PDE3B: variants seen among roughly 807,000 people sequenced by gnomAD.
The protein encoded by PDE3B is phosphodiesterase 3B, also known as cGMP-inhibited 3',5'-cyclic phosphodiesterase 3B.
A neutral mutation model predicts 116.8 loss-of-function variants in PDE3B; 66 were observed. The ratio of observed to expected loss-of-function variants is 0.56; its 90% confidence interval spans 0.46 to 0.69. PDE3B has a LOEUF of 0.69. PDE3B is among the 30% of genes least tolerant of loss of function. PDE3B has a pLI of 0.00. For synonymous variants in PDE3B, 595 were observed against 533.6 expected, an observed-to-expected ratio of 1.12 and a Z score of -1.59; for missense variants, 1,384 against 1,368.1, an observed-to-expected ratio of 1.01 and a Z score of -0.18.
chr11:14,869,126 A>G (rs1848099609), intron 15 of PDE3B, among the ~76,000 whole-genome samples: 1 of 152,250 alleles, frequency 6.6e-6, no homozygotes, highest in East Asian at 1.9e-4. Flanking sequence ...TTTTCATTTG[A>G]AATTTCAGCA....
At chr11:14,890,227 A>G in the PDE3B span, among the ~76,000 whole-genome samples, 1 of 152,172 alleles carries the variant, frequency 6.6e-6, no homozygotes, top group Non-Finnish European at 1.5e-5. Context: ...CGAGAAAAAA[A>G]AAAGACTCAG....
chr11:14,790,068 G>A (rs1858336545), intron 4 of PDE3B, among the ~76,000 whole-genome samples: 1 of 151,988 alleles, frequency 6.6e-6, no homozygotes, highest in South Asian at 2.1e-4. Context: ...TTTCACATTT[G>A]AAACAGTAGA....
At chr11:14,725,991 C>T (rs1026209384) in intron 1 of PDE3B, among the ~76,000 whole-genome samples, 4 of 152,078 alleles carry the variant, frequency 2.6e-5, no homozygotes, top group African/African-American at 9.7e-5. Flanking sequence ...ATGCTCTTTC[C>T]CTCTACTTCA....
At chr11:14,848,229 G>A (rs1407329086) in intron 12 of PDE3B, among the ~76,000 whole-genome samples, 1 of 139,500 alleles carries the variant, frequency 7.2e-6, no homozygotes, top group African/African-American at 2.7e-5. Flanking sequence ...CAGAACCAAA[G>A]ACAAAAACCA....
At chr11:14,757,359 A>C (rs1371453048) in intron 1 of PDE3B, among the ~76,000 whole-genome samples, 1 of 149,276 alleles carries the variant, frequency 6.7e-6, no homozygotes, top group African/African-American at 2.5e-5. Context: ...CTAGTTCTAG[A>C]TCCCTGAGGA....
intron 11 of PDE3B, among the ~76,000 whole-genome samples, chr11:14,841,782 G>A (rs1365131104): frequency 1.8e-5 from 1 of 54,994 alleles, no homozygotes; most frequent in African/African-American, 7.2e-5. Flanking sequence ...CACCTGCCTC[G>A]GCCTCCCAAA....
intron 1 of PDE3B, among the ~76,000 whole-genome samples, chr11:14,727,592 A>G (rs1211597944): frequency 6.6e-6 from 1 of 152,066 alleles, no homozygotes; most frequent in African/African-American, 2.4e-5. Flanking sequence ...CTCCACTTTT[A>G]TATCTGTTAT....
At chr11:14,824,062 A>G (rs1859609453) in intron 7 of PDE3B, among the ~76,000 whole-genome samples, 1 of 152,122 alleles carries the variant, frequency 6.6e-6, no homozygotes, top group Non-Finnish European at 1.5e-5. Flanking sequence ...CCTCACAGAA[A>G]AGTGGTCGGA....
At chr11:14,806,696 A>G (rs1858937240) in intron 5 of PDE3B, among the ~76,000 whole-genome samples, 1 of 151,224 alleles carries the variant, frequency 6.6e-6, no homozygotes, top group African/African-American at 2.4e-5. Context: ...CGTCTCTACT[A>G]AAAATACAAA....
At chr11:14,660,244 C>A (rs1853851224) in intron 1 of PDE3B, among the ~76,000 whole-genome samples, 1 of 151,736 alleles carries the variant, frequency 6.6e-6, no homozygotes, top group Admixed American at 6.6e-5. Flanking sequence ...TACTGAATGC[C>A]ACTAATTTCA....
chr11:14,675,131 T>C (rs1197491421), intron 1 of PDE3B, among the ~76,000 whole-genome samples: 1 of 152,202 alleles, frequency 6.6e-6, no homozygotes, highest in Non-Finnish European at 1.5e-5. Flanking sequence ...CAGGTAGAAC[T>C]GAAGTTCTCA....
intron 2 of PDE3B, among the ~76,000 whole-genome samples, chr11:14,778,339 T>G (rs982934606): frequency 6.6e-6 from 1 of 152,160 alleles, no homozygotes; most frequent in Non-Finnish European, 1.5e-5. Context: ...GCACGGAGTT[T>G]GAGATCTAAG....
intron 1 of PDE3B, among the ~76,000 whole-genome samples, chr11:14,702,340 CT>C: frequency 6.6e-6 from 1 of 151,850 alleles, no homozygotes; most frequent in South Asian, 2.1e-4. Context: ...TTCCTAATTT[CT>C]TTTGGCACAT....
chr11:14,766,782 C>T (rs1440380067), intron 1 of PDE3B, among the ~76,000 whole-genome samples: 1 of 151,550 alleles, frequency 6.6e-6, no homozygotes, highest in Non-Finnish European at 1.5e-5. Flanking sequence ...GGACTGATTT[C>T]ATCACATATT....
At position 14,804,122 on chromosome 11, in the gene PDE3B, A is replaced by C. The variant is rs1425117411; in HGVS notation, c.1522+72A>C. 6.1e-5 allele frequency: 47 copies of C among 770,370 alleles called. No homozygotes were observed. In the East Asian group the frequency reaches 1.1e-3, roughly 19 times the overall value. 47.7% of individuals were successfully genotyped at this position (770,370 alleles called of 1,614,324 possible). A position where few individuals can be genotyped will look rare whatever the true frequency, so the allele number is the denominator to read the frequency against. On this transcript the variant is annotated intron_variant, in intron 5 of 15. Transcript: ENST00000282096. ...TATGGTAGTGTAAACACTTTTCATCACATATTTATAGCTAATTTTGAATAC... is the reference window on the plus strand; with the variant it reads ...TATGGTAGTGTAAACACTTTTCATCCCATATTTATAGCTAATTTTGAATAC...
At chr11:14,823,819 C>T (rs1306772175) in intron 7 of PDE3B, among the ~76,000 whole-genome samples, 1 of 152,094 alleles carries the variant, frequency 6.6e-6, no homozygotes, top group Non-Finnish European at 1.5e-5. Context: ...CTTGGGTTTC[C>T]AATCTCATAT....
chr11:14,850,936 A>G (rs147237218), intron 12 of PDE3B, among the ~76,000 whole-genome samples: 3 of 148,126 alleles, frequency 2.0e-5, no homozygotes, highest in Non-Finnish European at 4.4e-5. Flanking sequence ...TCATGCCATT[A>G]TCCTGCCTCA....
At chr11:14,728,531 G>T (rs1856376437) in intron 1 of PDE3B, among the ~76,000 whole-genome samples, 1 of 152,076 alleles carries the variant, frequency 6.6e-6, no homozygotes. Context: ...CATTCTCACA[G>T]AAGTCTTTCG....
chr11:14,891,613 G>C, the PDE3B span: 7 of 1,064,278 alleles, frequency 6.6e-6, no homozygotes, highest in East Asian at 8.6e-5. Flanking sequence ...AGGCCGACTC[G>C]CAAGACGCCC....
Sources: allele counts gnomAD v4.1 joint callset (sites outside exome capture counted in the v4.1 genomes callset), GRCh38; gene constraint gnomAD v4.1.1; transcripts MANE v1.5; gene names NCBI Gene and HGNC (gene_info 2026-07-23, HGNC 2026-07-21).